EIF4ENIF1: variants seen among roughly 807,000 people sequenced by gnomAD.
EIF4ENIF1 encodes eukaryotic translation initiation factor 4E nuclear import factor 1.
A neutral mutation model predicts 110.5 loss-of-function variants in EIF4ENIF1; 23 were observed. The observed-to-expected ratio is 0.21, with a 90% CI of 0.15 to 0.29. EIF4ENIF1 has a LOEUF of 0.29. Ranked by LOEUF, EIF4ENIF1 falls within the 10% of genes least tolerant of loss-of-function variation. The pLI is 1.00. For missense variants in EIF4ENIF1, 1,031 were observed against 1,221.1 expected, an observed-to-expected ratio of 0.84 and a Z score of 2.32; for synonymous variants, 440 against 437.0, an observed-to-expected ratio of 1.01 and a Z score of -0.09.
intron 2 of EIF4ENIF1, among the ~76,000 whole-genome samples, chr22:31,486,251 CAA>C (rs1381400691): frequency 6.7e-6 from 1 of 149,006 alleles, no homozygotes; most frequent in Admixed American, 6.8e-5. Context: ...GCCTCGGCGA[CAA>C]GAGCGAAACT....
intron 3 of EIF4ENIF1, among the ~76,000 whole-genome samples, chr22:31,468,866 A>G (rs1210215511): frequency 6.6e-6 from 1 of 152,238 alleles, no homozygotes; most frequent in African/African-American, 2.4e-5. Flanking sequence ...CAGACCATAT[A>G]CCTTGGCATG....
Position 31,471,902 on chromosome 22 carries a change from T to C in EIF4ENIF1, c.112A>G (p.Ile38Val), listed in dbSNP as rs2051393539. 6.3e-7 allele frequency: 1 copy of C among 1,599,440 alleles called. No individual in the cohort carries two copies. Among genetic ancestry groups the C allele is most frequent in the Admixed American group, 1.8e-5 (1 of 55,322 alleles). ...TGTTTGGAATGGGGGAGTTCTTTTA[T>C]ATCCAAGAGTTCTTCCTAAAAAGAG... Reference protein sequence around the residue: ...HRYTKEELLDIKELPHSKQRP... With the variant: ...HRYTKEELLDVKELPHSKQRP... Residue 38 changes from isoleucine (I) to valine (V), a missense_variant, in exon 3 of 19, where the codon ATA becomes GTA. By Grantham distance (29) the Ile-to-Val change is conservative. Coordinates refer to ENST00000330125, the MANE Select transcript of EIF4ENIF1 (RefSeq NM_019843.4).
chr22:31,486,265 C>T (rs1455346259), intron 2 of EIF4ENIF1, among the ~76,000 whole-genome samples: 3 of 82,772 alleles, frequency 3.6e-5, no homozygotes, highest in African/African-American at 4.9e-5. Context: ...AGCGAAACTC[C>T]GTCTCAAAAA....
rs767361260 is a variant in EIF4ENIF1 at position 31,463,087 on chromosome 22, TTTC to T, written c.629_631del (p.Arg210del). On this transcript the variant is annotated inframe_deletion, in exon 6 of 19. Coordinates refer to ENST00000330125, the MANE Select transcript of EIF4ENIF1 (RefSeq NM_019843.4). ...TGGTTCTTCTTCTGTGTAAGAATCA[TTTC>T]TTCTACGCTCACCAAAGACACGCTT... is the stretch of plus-strand genomic sequence containing the variant. The T allele has an allele frequency of 1.2e-6, 2 of 1,614,196 alleles. No homozygotes were observed. Among genetic ancestry groups the T allele is most frequent in the Non-Finnish European group, 1.7e-6 (2 of 1,180,024 alleles).
At chr22:31,438,673 T>A (rs1391719150), downstream of EIF4ENIF1, among the ~76,000 whole-genome samples, 1 of 151,920 alleles carries the variant, frequency 6.6e-6, no homozygotes, top group Non-Finnish European at 1.5e-5. Flanking sequence ...TCTTTAAAGC[T>A]CAAGGAAAAA....
At chr22:31,463,202 C>T (rs2051055120) in intron 5 of EIF4ENIF1, 69 bp from the exon 6 acceptor site, 3 of 1,453,874 alleles carry the variant, frequency 2.1e-6, no homozygotes, top group East Asian at 4.6e-5. Flanking sequence ...TCAAGGTCTT[C>T]GTTGTAATGT....
chr22:31,492,765 T>C (rs2052295619), upstream of EIF4ENIF1, among the ~76,000 whole-genome samples: 1 of 152,250 alleles, frequency 6.6e-6, no homozygotes, highest in African/African-American at 2.4e-5. Context: ...GGAGTCTCGC[T>C]GTATCGCCCA....
chr22:31,488,211 C>A (rs1030884210), intron 2 of EIF4ENIF1, among the ~76,000 whole-genome samples: 10 of 152,274 alleles, frequency 6.6e-5, no homozygotes, highest in African/African-American at 2.4e-4. Flanking sequence ...AAAGCACACT[C>A]AAGAGCATTC....
chr22:31,440,949 A>ATCTGGAAGT lies in EIF4ENIF1; in HGVS notation c.2552-90_2552-82dup, dbSNP rs2050274641. 3 of 1,554,536 alleles carry ATCTGGAAGT rather than the reference A, an allele frequency of 1.9e-6. No individual in the cohort carries two copies. In the South Asian group the frequency reaches 3.5e-5, roughly 18 times the overall value. ...CCAGCTTCACTGTACAGTTTTGCTGATCTGGAAGTTTGTTAAGAATGAAGG... is the reference window on the plus strand; with the variant it reads ...CCAGCTTCACTGTACAGTTTTGCTGATCTGGAAGTTCTGGAAGTTTGTTAAGAATGAAGG... On this transcript the variant is annotated intron_variant, in intron 17 of 18. Transcript: ENST00000330125.
At chr22:31,437,151 T>C (rs1233963027), downstream of EIF4ENIF1, 2 of 152,396 alleles carry the variant, frequency 1.3e-5, no homozygotes, top group East Asian at 3.9e-4. Flanking sequence ...CACAGACTTA[T>C]TTAACTGCTT....
chr22:31,440,540 T>G (rs548571203), intron 18 of EIF4ENIF1, among the ~76,000 whole-genome samples, 164 bp downstream of exon 18: 2 of 152,338 alleles, frequency 1.3e-5, no homozygotes, highest in South Asian at 4.1e-4. Flanking sequence ...CCAAATTGCA[T>G]AGAGGTCAAT....
intron 5 of EIF4ENIF1, 50 bp from the exon 6 acceptor site, chr22:31,463,183 C>G: frequency 1.3e-6 from 2 of 1,565,368 alleles, no homozygotes; most frequent in Admixed American, 3.4e-5. Context: ...CAAGCCATTT[C>G]TACTTCAGTC....
chr22:31,474,026 T>C (rs1175711308), intron 2 of EIF4ENIF1, among the ~76,000 whole-genome samples: 1 of 152,024 alleles, frequency 6.6e-6, no homozygotes, highest in African/African-American at 2.4e-5. Context: ...TATACCTATG[T>C]ATTATTGGTA....
At chr22:31,475,465 G>A (rs1053458681) in intron 2 of EIF4ENIF1, among the ~76,000 whole-genome samples, 1 of 151,978 alleles carries the variant, frequency 6.6e-6, no homozygotes, top group South Asian at 2.1e-4. Context: ...AAAATTCATC[G>A]AGTGGGCCGG....
chr22:31,463,437 G>T (rs1376929942), intron 5 of EIF4ENIF1, among the ~76,000 whole-genome samples: 1 of 152,010 alleles, frequency 6.6e-6, no homozygotes, highest in Non-Finnish European at 1.5e-5. Flanking sequence ...CCAGCACTTT[G>T]GGAGGCCGAG....
intron 3 of EIF4ENIF1, among the ~76,000 whole-genome samples, chr22:31,471,219 G>A (rs1482168502): frequency 6.6e-6 from 1 of 151,580 alleles, no homozygotes; most frequent in African/African-American, 2.4e-5. Flanking sequence ...AACCAAGAGC[G>A]CCCCTGAGCA....
rs149959852 is a variant in EIF4ENIF1, at chr22:31,487,482, G to C, written c.96+1141C>G. On this transcript the variant is annotated intron_variant, in intron 2 of 18. Coordinates refer to ENST00000330125, the MANE Select transcript of EIF4ENIF1 (RefSeq NM_019843.4). ...AACCAATCAGTATCCCAGGAAGCCA[G>C]GGACAATAAGCCATGTCAGAGTCAA... Among the ~76,000 whole-genome samples the C allele has an allele frequency of 3.9e-5, 6 of 152,288 alleles. No homozygotes were observed. The East Asian group carries it at 1.2e-3, about 29-fold the overall frequency.
At chr22:31,480,528 C>T (rs1334334054) in intron 2 of EIF4ENIF1, among the ~76,000 whole-genome samples, 3 of 152,006 alleles carry the variant, frequency 2.0e-5, no homozygotes, top group African/African-American at 7.2e-5. Context: ...GAGGGTGAGA[C>T]GGGCAGATCA....
rs558965198 is a variant in EIF4ENIF1, at chr22:31,460,177, G to C, written c.788-1527C>G. 1.6e-4 allele frequency among the ~76,000 whole-genome samples: 25 copies of C among 152,324 alleles called. No homozygotes were observed. The South Asian group carries it at 3.9e-3, about 24-fold the overall frequency. On this transcript the variant is annotated intron_variant, in intron 6 of 18. Transcript: ENST00000330125. ...AGGGAACACTGTGTGATAGCACAAA[G>C]ATAATGGTAATATGTACTATATTTT...
Sources: gnomAD v4.1 joint callset for allele counts (sites outside exome capture counted in the v4.1 genomes callset) on GRCh38, gnomAD v4.1.1 for gene constraint, MANE v1.5 for transcripts, NCBI Gene and HGNC (gene_info 2026-07-23, HGNC 2026-07-21) for gene names.